ALCAM: variants seen among roughly 807,000 people sequenced by gnomAD.
ALCAM encodes activated leukocyte cell adhesion molecule.
Under a neutral mutation model 70.9 loss-of-function variants are expected in ALCAM, and 30 were observed. The ratio of observed to expected loss-of-function variants is 0.42; its 90% CI spans 0.32 to 0.57. The LOEUF is 0.57. Among genes scored for constraint, ALCAM ranks in the 20% least tolerant of loss-of-function variants. The pLI is 0.11. For missense variants in ALCAM, 591 were observed against 695.1 expected (o/e 0.85, Z 1.68); for synonymous variants, 249 against 242.5 (o/e 1.03, Z -0.25).
intron 3 of ALCAM, among the ~76,000 whole-genome samples, chr3:105,530,076 T>G (rs1269324160): frequency 1.3e-5 from 2 of 152,090 alleles, no homozygotes; most frequent in Admixed American, 1.3e-4. Context: ...ATTTTGACTC[T>G]TCATTGGCCA....
chr3:105,490,303 C>T (rs975092713), intron 1 of ALCAM, among the ~76,000 whole-genome samples: 1 of 152,166 alleles, frequency 6.6e-6, no homozygotes, highest in African/African-American at 2.4e-5. Context: ...AGAAGAGTGA[C>T]GTCAAGTGAC....
chr3:105,538,896 G>A (rs1247794448), intron 6 of ALCAM, among the ~76,000 whole-genome samples: 1 of 152,046 alleles, frequency 6.6e-6, no homozygotes, highest in Non-Finnish European at 1.5e-5. Context: ...AAAAGGCAAA[G>A]AAACAATCTA....
rs147371595 is a variant in ALCAM at position 105,470,318 on chromosome 3, G to A, written c.74-49749G>A. 5.6e-3 allele frequency among the ~76,000 whole-genome samples: 850 copies of A among 150,666 alleles called. 10 individuals carry two copies. Among genetic ancestry groups the A allele is most frequent in the African/African-American group, 0.02 (824 of 41,296 alleles). Reference sequence around the variant, plus strand: ...GGCTGCAATCAAGTATGAAGGCCAAGATGAGAAAGAGTTTATGCATTTACT... The same window carrying A: ...GGCTGCAATCAAGTATGAAGGCCAAAATGAGAAAGAGTTTATGCATTTACT... On this transcript the variant is annotated intron_variant, in intron 1 of 15. Coordinates refer to ENST00000306107, the MANE Select transcript of ALCAM (RefSeq NM_001627.4).
intron 3 of ALCAM, among the ~76,000 whole-genome samples, chr3:105,525,885 G>A (rs1939693221): frequency 6.6e-6 from 1 of 152,194 alleles, no homozygotes; most frequent in South Asian, 2.1e-4. Context: ...CAAACCAAGT[G>A]TTTGCAGTCA....
chr3:105,542,153 A>T (rs1940133271), intron 8 of ALCAM, among the ~76,000 whole-genome samples: 1 of 151,904 alleles, frequency 6.6e-6, no homozygotes, highest in Non-Finnish European at 1.5e-5. Flanking sequence ...GTTACAGAAT[A>T]AATTTAACAC....
At chr3:105,476,442 C>A (rs1436763774) in intron 1 of ALCAM, among the ~76,000 whole-genome samples, 1 of 152,052 alleles carries the variant, frequency 6.6e-6, no homozygotes. Flanking sequence ...ATAGTTTTTG[C>A]CTAAATTTAT....
rs1939635395 is a variant in ALCAM, at chr3:105,524,312, A to G, written c.198A>G (p.Val66=). 1 of 1,614,072 alleles carries G rather than the reference A, an allele frequency of 6.2e-7. No homozygotes were observed. The highest frequency in any genetic ancestry group is 8.5e-7 in the Non-Finnish European group (1 of 1,179,938). ...AGGAAAAGCCCGATGGCTCCCCAGT[A>G]TTTATTGCCTTCAGATCCTCTACAA... ...WKYEKPDGSP[V]FIAFRSSTKK... Residue 66 remains valine (V), a synonymous_variant, in exon 3 of 16, where the codon GTA becomes GTG. Transcript: ENST00000306107.
chr3:105,381,941 T>A (rs1166622883), intron 1 of ALCAM, among the ~76,000 whole-genome samples: 1 of 151,192 alleles, frequency 6.6e-6, no homozygotes, highest in Non-Finnish European at 1.5e-5. Flanking sequence ...TTTTTCTTTT[T>A]TATTATTATT....
intron 3 of ALCAM, chr3:105,531,476 G>A (rs1939838247): frequency 6.6e-6 from 1 of 152,384 alleles, no homozygotes; most frequent in African/African-American, 2.4e-5. Flanking sequence ...AAACTTTATG[G>A]TGACTGAGAA....
intron 1 of ALCAM, among the ~76,000 whole-genome samples, chr3:105,381,749 T>C (rs1416266025): frequency 2.0e-5 from 3 of 151,678 alleles, no homozygotes; most frequent in Non-Finnish European, 2.9e-5. Flanking sequence ...GTCTACACAA[T>C]AATAAAATAG....
Position 105,413,395 on chromosome 3 carries a change from G to A in ALCAM, c.73+45914G>A, listed in dbSNP as rs374113560. ...GTTAAATTTCTGTATACATTTTCTT[G>A]TAAATAAGAATAGAAAATAGTGTCT... On this transcript the variant is annotated intron_variant, in intron 1 of 15. Coordinates refer to ENST00000306107, the MANE Select transcript of ALCAM (RefSeq NM_001627.4). Among the ~76,000 whole-genome samples the A allele has an allele frequency of 7.9e-5, 12 of 152,176 alleles. No individual in the cohort carries two copies. The South Asian group carries it at 1.9e-3, about 24-fold the overall frequency.
At chr3:105,559,815 A>T (rs953957289) in intron 14 of ALCAM, among the ~76,000 whole-genome samples, 1 of 152,302 alleles carries the variant, frequency 6.6e-6, no homozygotes, top group Middle Eastern at 3.4e-3. Flanking sequence ...AGAATTATAG[A>T]AAAGGTACTC....
At chr3:105,568,078 T>G (rs1940785310) in intron 14 of ALCAM, among the ~76,000 whole-genome samples, 1 of 124,976 alleles carries the variant, frequency 8.0e-6, no homozygotes, top group Non-Finnish European at 1.8e-5. Context: ...TTTTTTTTTT[T>G]GAGATGGAGT....
chr3:105,490,304 G>A (rs183489261), intron 1 of ALCAM, among the ~76,000 whole-genome samples: 27 of 152,284 alleles, frequency 1.8e-4, no homozygotes, highest in Non-Finnish European at 3.2e-4. Context: ...GAAGAGTGAC[G>A]TCAAGTGACT....
At chr3:105,451,802 C>G (rs1898655) in intron 1 of ALCAM, among the ~76,000 whole-genome samples, 2 of 152,010 alleles carry the variant, frequency 1.3e-5, no homozygotes, top group South Asian at 4.1e-4. Context: ...AGTATAAAAC[C>G]ATATTGGCAA....
intron 1 of ALCAM, among the ~76,000 whole-genome samples, chr3:105,500,697 G>T (rs992350849): frequency 6.6e-6 from 1 of 152,062 alleles, no homozygotes; most frequent in African/African-American, 2.4e-5. Flanking sequence ...TCCTTAACTT[G>T]GTTCTATCTT....
intron 14 of ALCAM, among the ~76,000 whole-genome samples, chr3:105,559,863 GATTTATTC>G (rs1386501412): frequency 3.9e-5 from 6 of 152,076 alleles, no homozygotes; most frequent in African/African-American, 1.4e-4. Flanking sequence ...ATGTTTTTGA[GATTTATTC>G]ATGTTGTTAC....
chr3:105,487,951 A>C (rs574851938), intron 1 of ALCAM, among the ~76,000 whole-genome samples: 1 of 152,148 alleles, frequency 6.6e-6, no homozygotes, highest in Non-Finnish European at 1.5e-5. Context: ...ATTTTGAAAT[A>C]TGATCTCCAA....
At chr3:105,470,103 A>G (rs1357995281) in intron 1 of ALCAM, among the ~76,000 whole-genome samples, 1 of 95,482 alleles carries the variant, frequency 1.0e-5, no homozygotes, top group East Asian at 5.1e-4. Context: ...ACATATACAT[A>G]TATGTGTGTG....
Sources: allele counts gnomAD v4.1 joint callset (sites outside exome capture counted in the v4.1 genomes callset), GRCh38; gene constraint gnomAD v4.1.1; transcripts MANE v1.5; gene names NCBI Gene and HGNC (gene_info 2026-07-23, HGNC 2026-07-21).